Variants in TNFRSF14 observed in about 807,000 individuals in gnomAD.
TNFRSF14 encodes TNF receptor superfamily member 14.
In TNFRSF14, 18 loss-of-function variants were observed where a neutral mutation model predicts 34.1. The ratio of observed to expected loss-of-function variants is 0.53; its 90% CI spans 0.36 to 0.78. The LOEUF (loss-of-function observed/expected upper bound fraction) is 0.78, where lower values mean the gene tolerates loss of function less well. Among genes scored for constraint, TNFRSF14 ranks in the 30% least tolerant of loss-of-function variants. TNFRSF14 has a pLI of 0.00. For synonymous variants in TNFRSF14, 157 were observed against 153.2 expected, an observed-to-expected ratio of 1.02 and a Z score of -0.18; for missense variants, 352 against 379.5, an observed-to-expected ratio of 0.93 and a Z score of 0.60.
chr1:2,559,551 C>T, intron 3 of TNFRSF14: 1 of 1,518,632 alleles, frequency 6.6e-7, no homozygotes, highest in Non-Finnish European at 8.8e-7. Context: ...TCCTGCCCAT[C>T]TGGGCAGAAG....
upstream of TNFRSF14, chr1:2,556,100 A>G: frequency 5.7e-6 from 2 of 349,018 alleles, no homozygotes; most frequent in South Asian, 2.3e-5. Flanking sequence ...CTATGACTGA[A>G]ATTGGCCAGA....
intron 3 of TNFRSF14, chr1:2,559,229 G>T (rs1259442701): frequency 1.5e-6 from 2 of 1,369,992 alleles, no homozygotes; most frequent in African/African-American, 1.4e-5. Flanking sequence ...GGGATTTGGG[G>T]CTCACACCTC....
chr1:2,562,439 G>C (rs1011836294), intron 6 of TNFRSF14: 2 of 268,846 alleles, frequency 7.4e-6, no homozygotes, highest in South Asian at 4.6e-5. Flanking sequence ...ATCCTCACCC[G>C]GGGCCTCCAA....
intron 1 of TNFRSF14, among the ~76,000 whole-genome samples, chr1:2,557,450 G>A (rs1426897773): frequency 1.3e-5 from 2 of 152,134 alleles, no homozygotes; most frequent in Non-Finnish European, 2.9e-5. Context: ...TGTGGGGTGT[G>A]GGGTCCCTGG....
At position 2,561,421 on chromosome 1, in the gene TNFRSF14, T is replaced by G; in HGVS notation, c.552-252T>G. 1 of 1,419,074 alleles carries G rather than the reference T, an allele frequency of 7.0e-7. No individual in the cohort carries two copies. The highest frequency in any genetic ancestry group is 1.4e-5 in the South Asian group (1 of 70,470). 87.9% of individuals were successfully genotyped at this position (1,419,074 alleles called of 1,614,324 possible). On this transcript the variant is annotated intron_variant, in intron 5 of 7. Transcript: ENST00000355716. The surrounding 1 kb of genome is among the most constrained non-coding windows in gnomAD (Gnocchi z 6.0). ...CTCCCGCTTCTCTCCCCTCTCCCTC[T>G]GCCGTCCTGTCTCCTTTGCCCAGTC...
At chr1:2,556,321 C>T (rs1164537607), upstream of TNFRSF14, 3 of 597,304 alleles carry the variant, frequency 5.0e-6, no homozygotes, top group African/African-American at 5.4e-5. Flanking sequence ...CCGGAGTGGA[C>T]TGGAATGGTG....
Position 2,558,367 on chromosome 1 carries a change from G to C in TNFRSF14, c.203G>C (p.Gly68Ala). The C allele has an allele frequency of 6.2e-7, 1 of 1,609,928 alleles. No homozygotes were observed. Among genetic ancestry groups the C allele is most frequent in the South Asian group, 1.1e-5 (1 of 90,620 alleles). Residue 68 changes from glycine (G) to alanine (A), a missense_variant, in exon 3 of 8, where the codon GGG becomes GCG. By Grantham distance (60) the Gly-to-Ala change is moderately conservative. Transcript: ENST00000355716. ...GGTTATCGTGTGAAGGAGGCCTGCG[G>C]GGAGCTGACGGGCACAGTGTGTGAA... ...SPGYRVKEAC[G>A]ELTGTVCEPC...
In TNFRSF14 at chr1:2,561,541, T is replaced by C. The variant is rs1644308280; in HGVS notation, c.552-132T>C. 1 of 1,564,764 alleles carries C rather than the reference T, an allele frequency of 6.4e-7. No homozygotes were observed. Among genetic ancestry groups the C allele is most frequent in the Admixed American group, 1.9e-5 (1 of 52,074 alleles). On this transcript the variant is annotated intron_variant, in intron 5 of 7. Coordinates refer to ENST00000355716, the MANE Select transcript of TNFRSF14 (RefSeq NM_003820.4). This position sits in a 1 kb window ranked among gnomAD's most constrained non-coding sequence, Gnocchi z 6.0. ...GACCTCTGAGGTCTCATCCTGGAGC[T>C]GCCACCAGCCCAGCCTCCCTGGGAC... is the stretch of plus-strand genomic sequence containing the variant.
rs1205778453 is a variant in TNFRSF14 at position 2,556,660 on chromosome 1, G to T, written c.-5G>T. On this transcript the variant is annotated 5_prime_UTR_variant, in exon 1 of 8. Coordinates refer to ENST00000355716, the MANE Select transcript of TNFRSF14 (RefSeq NM_003820.4). ...GTTCCCGAGCTGCCGGTCTGAGCCT[G>T]AGGCATGGAGCCTCCTGGAGACTGG... 6.2e-7 allele frequency: 1 copy of T among 1,609,718 alleles called. No homozygotes were observed. Among genetic ancestry groups the T allele is most frequent in the Admixed American group, 1.7e-5 (1 of 59,590 alleles).
In TNFRSF14 at chr1:2,563,119, C is replaced by G. The variant is rs113457873; in HGVS notation, c.727-29C>G. 89 of 1,611,856 alleles carry G rather than the reference C, an allele frequency of 5.5e-5. 2 individuals are homozygous for G. The African/African-American group carries it at 9.1e-4, about 16-fold the overall frequency. ...GGAGTCCCAGGGGGGCCTGAGCAGG[C>G]AGGGTCTCCACGATTCGTGTGCTCA... On this transcript the variant is annotated intron_variant, in intron 7 of 7. Coordinates refer to ENST00000355716, the MANE Select transcript of TNFRSF14 (RefSeq NM_003820.4).
intron 3 of TNFRSF14, chr1:2,558,908 G>A (rs1034912506): frequency 7.4e-7 from 1 of 1,360,446 alleles, no homozygotes; most frequent in Non-Finnish European, 9.7e-7. Flanking sequence ...GACCTCAGGG[G>A]AAGAGGTCAC....
chr1:2,561,179 C>T lies in TNFRSF14; in HGVS notation c.551+465C>T, dbSNP rs1644303103. ...AGAGCTTCTTGGGAGGAGCTGGGGT[C>T]CCCCAGCGGAGCCTGGGATGGAGCA... On this transcript the variant is annotated intron_variant, in intron 5 of 7. Coordinates refer to ENST00000355716, the MANE Select transcript of TNFRSF14 (RefSeq NM_003820.4). The surrounding 1 kb of genome is among the most constrained non-coding windows in gnomAD (Gnocchi z 6.0). 5.4e-6 allele frequency: 2 copies of T among 373,504 alleles called. No homozygotes were observed. The highest frequency in any genetic ancestry group is 9.6e-6 in the Non-Finnish European group (2 of 207,394). The allele number at this position is 373,504 out of a possible 1,614,324, so 23.1% of individuals were successfully genotyped here. A position where few individuals can be genotyped will look rare whatever the true frequency, so the allele number is the denominator to read the frequency against.
intron 3 of TNFRSF14, 155 bp downstream of exon 3, chr1:2,558,623 A>T (rs1644255298): frequency 7.0e-7 from 1 of 1,424,954 alleles, no homozygotes; most frequent in Non-Finnish European, 9.5e-7. Flanking sequence ...CCTGCAGGGG[A>T]CGCCTTGAGG....
rs769618640 is a variant in TNFRSF14, at chr1:2,556,640, C to T, written c.-25C>T. 1.3e-5 allele frequency: 21 copies of T among 1,606,566 alleles called. No individual in the cohort carries two copies. Among genetic ancestry groups the T allele is most frequent in the Middle Eastern group, 3.3e-4 (2 of 6,066 alleles). On this transcript the variant is annotated 5_prime_UTR_variant, in exon 1 of 8. Coordinates refer to ENST00000355716, the MANE Select transcript of TNFRSF14 (RefSeq NM_003820.4). ...GAGTTCATCCTGCTAGCTGGGTTCCCGAGCTGCCGGTCTGAGCCTGAGGCA... is the reference window on the plus strand; with the variant it reads ...GAGTTCATCCTGCTAGCTGGGTTCCTGAGCTGCCGGTCTGAGCCTGAGGCA...
intron 2 of TNFRSF14, 64 bp downstream of exon 2, chr1:2,557,898 G>T (rs540095426): frequency 7.5e-5 from 101 of 1,339,406 alleles, no homozygotes; most frequent in Admixed American, 1.9e-4. Context: ...GCCCCCTTCT[G>T]CCCCAGACAC....
At chr1:2,558,589 C>T in intron 3 of TNFRSF14, 121 bp downstream of exon 3, 3 of 1,540,946 alleles carry the variant, frequency 1.9e-6, no homozygotes, top group Non-Finnish European at 2.6e-6. Context: ...AGGCCAGGTC[C>T]CAACCCCATC....
chr1:2,557,481 C>T (rs1433850878), intron 1 of TNFRSF14, among the ~76,000 whole-genome samples: 1 of 152,148 alleles, frequency 6.6e-6, no homozygotes, highest in East Asian at 1.9e-4. Context: ...GTTCCAGTTC[C>T]CAGGGCTCCG....
chr1:2,558,076 G>A (rs954562623), intron 2 of TNFRSF14, among the ~76,000 whole-genome samples: 4 of 152,204 alleles, frequency 2.6e-5, no homozygotes, highest in African/African-American at 4.8e-5. Flanking sequence ...CTGGCCCACC[G>A]TGGCCAGAGA....
chr1:2,563,337 C>T lies in TNFRSF14; in HGVS notation c.*64C>T, dbSNP rs1644339221. The T allele has an allele frequency of 2.5e-6, 4 of 1,594,508 alleles. No homozygotes were observed. The Admixed American group carries it at 5.1e-5, about 20-fold the overall frequency. ...GCGACGGCTGCTGAAAGAGGCTGTC[C>T]ACCTGGCGGAACCACCGGAGCCCGG... On this transcript the variant is annotated 3_prime_UTR_variant, in exon 8 of 8. Coordinates refer to ENST00000355716, the MANE Select transcript of TNFRSF14 (RefSeq NM_003820.4).
Sources: allele counts gnomAD v4.1 joint callset (sites outside exome capture counted in the v4.1 genomes callset), GRCh38; gene constraint gnomAD v4.1.1; non-coding constraint Gnocchi (gnomAD v3.1); transcripts MANE v1.5; gene names NCBI Gene and HGNC (gene_info 2026-07-23, HGNC 2026-07-21).